Variants in DOCK3 observed in about 807,000 individuals in gnomAD.
The protein encoded by DOCK3 is dedicator of cytokinesis protein 3.
In DOCK3, 60 loss-of-function variants were observed where a neutral mutation model predicts 265.6. The ratio of observed to expected loss-of-function variants is 0.23; its 90% CI spans 0.18 to 0.28. The LOEUF is 0.28. Ranked by LOEUF, DOCK3 falls within the 10% of genes least tolerant of loss-of-function variation. DOCK3 has a pLI of 1.00. For missense variants in DOCK3, 1,981 were observed against 2,594.3 expected (o/e 0.76, Z 5.14); for synonymous variants, 881 against 938.0 (o/e 0.94, Z 1.11).
chr3:50,754,087 C>T lies in DOCK3; in HGVS notation c.38-24588C>T, dbSNP rs547850711. Among the ~76,000 whole-genome samples the T allele has an allele frequency of 2.1e-4, 26 of 120,958 alleles. No individual in the cohort carries two copies. In the Admixed American group the frequency reaches 2.6e-3, roughly 12 times the overall value. 79.4% of individuals were successfully genotyped at this position (120,958 alleles called of 152,430 possible). A position where few individuals can be genotyped will look rare whatever the true frequency, so the allele number is the denominator to read the frequency against. ...AGGAGAATCGCTTGAACCTGGGAGG[C>T]GGAGGTTGCAGTGAGCCAAGATCGT... On this transcript the variant is annotated intron_variant, in intron 1 of 52. Transcript: ENST00000266037.
rs140767114 is a variant in DOCK3 at position 50,970,727 on chromosome 3, C to CTT, written c.315+36661_315+36662dup. Among the ~76,000 whole-genome samples the CTT allele has an allele frequency of 1.2e-3, 152 of 129,624 alleles. 1 individual carries two copies. The highest frequency in any genetic ancestry group is 4.2e-3 in the Middle Eastern group (1 of 238). 85.0% of individuals were successfully genotyped at this position (129,624 alleles called of 152,430 possible). A position where few individuals can be genotyped will look rare whatever the true frequency, so the allele number is the denominator to read the frequency against. The stretch of plus-strand genomic sequence containing the variant: ...AACTTTTTCTTAGATCTCATTGAGC[C>CTT]TTTTTTTTTTTTAATTTAAAACAGG... On this transcript the variant is annotated intron_variant, in intron 5 of 52. Coordinates refer to ENST00000266037, the MANE Select transcript of DOCK3 (RefSeq NM_004947.5).
intron 5 of DOCK3, among the ~76,000 whole-genome samples, chr3:50,979,119 G>A (rs2077596371): frequency 6.6e-6 from 1 of 152,130 alleles, no homozygotes; most frequent in Non-Finnish European, 1.5e-5. Context: ...CGCCGCTCAC[G>A]CTGGGAGCTG....
At chr3:50,690,135 C>G (rs1320580898) in intron 1 of DOCK3, among the ~76,000 whole-genome samples, 1 of 139,748 alleles carries the variant, frequency 7.2e-6, no homozygotes, top group Non-Finnish European at 1.6e-5. Context: ...CTATTTTTAC[C>G]TTTTTTTTTT....
intron 12 of DOCK3, among the ~76,000 whole-genome samples, chr3:51,169,231 A>G (rs1326602416): frequency 6.6e-6 from 1 of 152,200 alleles, no homozygotes; most frequent in Non-Finnish European, 1.5e-5. Flanking sequence ...CAATTCCATT[A>G]CTGGATATAT....
intron 5 of DOCK3, among the ~76,000 whole-genome samples, chr3:50,957,121 A>G (rs1172492293): frequency 1.3e-5 from 2 of 152,208 alleles, no homozygotes; most frequent in Non-Finnish European, 1.5e-5. Flanking sequence ...ATGCTAAGTC[A>G]TGGACAAATT....
chr3:51,064,485 T>C lies in DOCK3; in HGVS notation c.353T>C (p.Val118Ala). ...KVDLFYKLRH[V>A]MNELIDLRRQ... is the part of the protein sequence containing the mutation. Reference sequence around the variant, plus strand: ...GATCTTTTCTACAAACTACGCCATGTGATGAATGAACTTATTGACCTGCGA... The same window carrying C: ...GATCTTTTCTACAAACTACGCCATGCGATGAATGAACTTATTGACCTGCGA... The change falls in exon 6 of 53, where the codon GTG becomes GCG. Residue 118 changes from valine (V) to alanine (A), a missense_variant. Around this residue, in one of 4 missense-constraint regions of DOCK3, gnomAD observed 456 missense variants for 539.0 expected, o/e 0.85. Coordinates refer to ENST00000266037, the MANE Select transcript of DOCK3 (RefSeq NM_004947.5). The C allele has an allele frequency of 6.2e-7, 1 of 1,614,012 alleles. No individual in the cohort carries two copies. The highest frequency in any genetic ancestry group is 8.5e-7 in the Non-Finnish European group (1 of 1,179,880).
chr3:51,202,667 A>G (rs1393241304), intron 12 of DOCK3, among the ~76,000 whole-genome samples: 3 of 152,174 alleles, frequency 2.0e-5, no homozygotes, highest in Non-Finnish European at 4.4e-5. Flanking sequence ...AACTCATTTT[A>G]TGAGGCCAGC....
At position 51,280,145 on chromosome 3, in the gene DOCK3, A is replaced by G. The variant is rs2081035494; in HGVS notation, c.2863A>G (p.Met955Val). ...VSCLLSLLRQ[M>V]CDTHFQHLLD... The stretch of plus-strand genomic sequence containing the variant: ...CTGCCTTCTCTCACTGCTCCGCCAG[A>G]TGTGTGACACCCATTTCCAGCACCT... Residue 955 changes from methionine (M) to valine (V), a missense_variant, in exon 27 of 53, where the codon ATG becomes GTG. By Grantham distance (21) the Met-to-Val change is conservative (BLOSUM62 1). Around this residue, in one of 4 missense-constraint regions of DOCK3, gnomAD observed 1,357 missense variants for 1,866.8 expected, o/e 0.73. Coordinates refer to ENST00000266037, the MANE Select transcript of DOCK3 (RefSeq NM_004947.5). 6.2e-7 allele frequency: 1 copy of G among 1,613,720 alleles called. No individual in the cohort carries two copies. Among genetic ancestry groups the G allele is most frequent in the Non-Finnish European group, 8.5e-7 (1 of 1,179,856 alleles).
intron 5 of DOCK3, among the ~76,000 whole-genome samples, chr3:51,005,369 A>G (rs958685902): frequency 6.6e-6 from 1 of 151,944 alleles, no homozygotes; most frequent in Non-Finnish European, 1.5e-5. Flanking sequence ...TTCTGTTTAT[A>G]CCCAATCCTG....
intron 5 of DOCK3, among the ~76,000 whole-genome samples, chr3:51,026,171 G>T (rs968987749): frequency 6.6e-6 from 1 of 151,986 alleles, no homozygotes; most frequent in Non-Finnish European, 1.5e-5. Flanking sequence ...AAAAAATGAG[G>T]GTTTGTATTA....
At chr3:51,175,661 T>C (rs2086900915) in intron 12 of DOCK3, among the ~76,000 whole-genome samples, 1 of 152,170 alleles carries the variant, frequency 6.6e-6, no homozygotes, top group Non-Finnish European at 1.5e-5. Flanking sequence ...GGGGCTAGAA[T>C]TGGATTTGCA....
intron 5 of DOCK3, among the ~76,000 whole-genome samples, chr3:50,958,518 C>T (rs1487788344): frequency 2.6e-5 from 4 of 152,142 alleles, no homozygotes; most frequent in African/African-American, 9.7e-5. Flanking sequence ...TACGATAATA[C>T]ATATGTAAGC....
At chr3:51,054,752 G>T (rs897254664) in intron 5 of DOCK3, among the ~76,000 whole-genome samples, 1 of 152,062 alleles carries the variant, frequency 6.6e-6, no homozygotes, top group Non-Finnish European at 1.5e-5. Flanking sequence ...ATTACGACTA[G>T]CCTGCTTTTA....
rs180797114 is a variant in DOCK3, at chr3:51,292,125, A to G, written c.2922+11921A>G. Reference sequence around the variant, plus strand: ...TAAATATCATATATGATAAGCCCATAGTTAACTTCACACTCAACAGTGAAA... The same window carrying G: ...TAAATATCATATATGATAAGCCCATGGTTAACTTCACACTCAACAGTGAAA... On this transcript the variant is annotated intron_variant, in intron 27 of 52. Transcript: ENST00000266037. 5.2e-5 allele frequency among the ~76,000 whole-genome samples: 8 copies of G among 152,382 alleles called. No homozygotes were observed. The East Asian group carries it at 1.5e-3, about 29-fold the overall frequency.
intron 2 of DOCK3, among the ~76,000 whole-genome samples, chr3:50,818,220 T>C (rs1183846082): frequency 6.6e-6 from 1 of 152,230 alleles, no homozygotes; most frequent in Non-Finnish European, 1.5e-5. Context: ...TCTGATTGTT[T>C]TTCTTCAACA....
intron 9 of DOCK3, among the ~76,000 whole-genome samples, chr3:51,126,791 G>A (rs2106856324): frequency 6.6e-6 from 1 of 152,098 alleles, no homozygotes; most frequent in Middle Eastern, 3.4e-3. Context: ...AAGTTTAGGG[G>A]TACATACACA....
At chr3:50,750,828 A>C (rs539220545) in intron 1 of DOCK3, among the ~76,000 whole-genome samples, 1 of 152,308 alleles carries the variant, frequency 6.6e-6, no homozygotes, top group South Asian at 2.1e-4. Context: ...TGTGTGCTAT[A>C]GAATGTAAAT....
At chr3:50,879,345 A>T (rs1340814966) in intron 3 of DOCK3, among the ~76,000 whole-genome samples, 1 of 152,236 alleles carries the variant, frequency 6.6e-6, no homozygotes, top group East Asian at 1.9e-4. Context: ...AATTGCATAA[A>T]GAGTCAAGAC....
intron 8 of DOCK3, 123 bp from the exon 9 acceptor site, chr3:51,090,107 C>T (rs2082581867): frequency 3.5e-6 from 4 of 1,131,028 alleles, no homozygotes; most frequent in Non-Finnish European, 4.9e-6. Context: ...AAAACATCTT[C>T]AGTTTCTCAA....
Sources: allele counts gnomAD v4.1 joint callset (sites outside exome capture counted in the v4.1 genomes callset), GRCh38; gene constraint gnomAD v4.1.1; regional missense constraint gnomAD v4.1.1; transcripts MANE v1.5; gene names NCBI Gene and HGNC (gene_info 2026-07-23, HGNC 2026-07-21).